WNK3: variants seen among roughly 807,000 people sequenced by gnomAD.
WNK3 encodes WNK lysine deficient protein kinase 3.
Under a neutral mutation model 116.7 loss-of-function variants are expected in WNK3, and 18 were observed. The observed-to-expected ratio is 0.15, with a 90% CI of 0.11 to 0.23. The LOEUF (loss-of-function observed/expected upper bound fraction) is 0.23, where lower values mean the gene tolerates loss of function less well. Ranked by LOEUF, WNK3 falls within the 10% of genes least tolerant of loss-of-function variation. WNK3 has a pLI of 1.00. For missense variants in WNK3, 993 were observed against 1,323.8 expected, an observed-to-expected ratio of 0.75 and a Z score of 3.88; for synonymous variants, 404 against 469.4, an observed-to-expected ratio of 0.86 and a Z score of 1.80.
chrX:54,343,731 G>C (rs1454143343), intron 1 of WNK3: 1 of 109,812 alleles, frequency 9.1e-6, no homozygotes, highest in African/African-American at 3.3e-5. Context: ...GTGTGATCAC[G>C]GTTCACTGCA....
chrX:54,299,449 GTTT>G (rs11383477), intron 6 of WNK3, among the ~76,000 whole-genome samples: 2 of 83,701 alleles, frequency 2.4e-5, no homozygotes, highest in Non-Finnish European at 2.3e-5. Context: ...GTGTTTTGGT[GTTT>G]TTTTTTTTTT....
At chrX:54,309,549 T>A (rs954751618) in intron 3 of WNK3, among the ~76,000 whole-genome samples, 1 of 111,662 alleles carries the variant, frequency 9.0e-6, no homozygotes, top group Non-Finnish European at 1.9e-5. Flanking sequence ...TGGTTTTTTT[T>A]TAAGACGAAG....
intron 1 of WNK3, among the ~76,000 whole-genome samples, chrX:54,342,974 G>A (rs781999781): frequency 2.7e-5 from 3 of 110,858 alleles, no homozygotes; most frequent in African/African-American, 3.3e-5. Flanking sequence ...TCAGCATCCC[G>A]AGTAGCTGGG....
intron 22 of WNK3, among the ~76,000 whole-genome samples, chrX:54,208,992 G>A (rs1481956689): frequency 1.8e-5 from 2 of 111,502 alleles, no homozygotes; most frequent in Non-Finnish European, 3.8e-5. Flanking sequence ...TCAGAGGCAC[G>A]TACTAAAATT....
exon 23 of WNK3, chrX:54,202,122 C>T: frequency 3.3e-6 from 4 of 1,211,060 alleles, no homozygotes; most frequent in Non-Finnish European, 4.5e-6. Context: ...TGTAAGTCAT[C>T]TGTGAACATC....
chrX:54,309,978 A>G (rs1197394974), intron 3 of WNK3, among the ~76,000 whole-genome samples: 1 of 111,132 alleles, frequency 9.0e-6, no homozygotes, highest in Non-Finnish European at 1.9e-5. Context: ...GTAAAATTTT[A>G]GTATATACAC....
Position 54,293,053 on chromosome X carries a change from GA to G in WNK3, c.1888-17del, listed in dbSNP as rs782286390. On this transcript the variant is annotated splice_polypyrimidine_tract_variant and intron_variant, in intron 9 of 23. Coordinates refer to ENST00000354646, the Ensembl canonical transcript of WNK3. ...GCTTCTGTAACTGTTAAAATAAGGG[GA>G]AAAAAAGATTAAAGATAAACTTTCC... is the stretch of plus-strand genomic sequence containing the variant. The G allele has an allele frequency of 2.0e-5, 24 of 1,195,790 alleles. No individual in the cohort carries two copies. Among genetic ancestry groups the G allele is most frequent in the East Asian group, 3.0e-5 (1 of 33,483 alleles).
intron 10 of WNK3, among the ~76,000 whole-genome samples, chrX:54,275,413 ATATGTGTGTGTGTG>A (rs1478698508): frequency 5.1e-4 from 30 of 58,360 alleles, no homozygotes; most frequent in African/African-American, 1.7e-3. Context: ...GTATAAGTTC[ATATGTGTGTGTGTG>A]TGTGTGTGTG....
At chrX:54,354,856 G>A (rs1434304829) in intron 1 of WNK3, among the ~76,000 whole-genome samples, 1 of 110,641 alleles carries the variant, frequency 9.0e-6, no homozygotes, top group Admixed American at 9.7e-5. Flanking sequence ...GGCCGAGGCG[G>A]GCGGATCACT....
intron 1 of WNK3, among the ~76,000 whole-genome samples, chrX:54,344,361 A>G (rs1434474097): frequency 9.0e-6 from 1 of 110,552 alleles, no homozygotes; most frequent in Non-Finnish European, 1.9e-5. Flanking sequence ...AATGGCGTGA[A>G]CCTGGGAGGC....
chrX:54,260,298 A>C (rs2068242073), intron 10 of WNK3, among the ~76,000 whole-genome samples: 1 of 112,217 alleles, frequency 8.9e-6, no homozygotes, highest in Non-Finnish European at 1.9e-5. Context: ...TACTGTTTAA[A>C]CATTGAGAGC....
chrX:54,312,595 G>A (rs1274867779), intron 2 of WNK3, among the ~76,000 whole-genome samples: 1 of 109,258 alleles, frequency 9.2e-6, no homozygotes, highest in Non-Finnish European at 1.9e-5. Flanking sequence ...CCACCACCAC[G>A]CCCGGCTAAT....
intron 10 of WNK3, among the ~76,000 whole-genome samples, chrX:54,272,400 ATAGT>A (rs2068393335): frequency 9.1e-6 from 1 of 109,925 alleles, no homozygotes; most frequent in African/African-American, 3.3e-5. Context: ...ATAAGCTATG[ATAGT>A]GCCACTGCAC....
At chrX:54,285,783 G>A (rs1156413978) in intron 10 of WNK3, among the ~76,000 whole-genome samples, 19 of 111,615 alleles carry the variant, frequency 1.7e-4, no homozygotes, top group African/African-American at 5.5e-4. Flanking sequence ...AGCATTTGTC[G>A]AAACTCATGA....
At chrX:54,232,181 G>A (rs901729528) in intron 21 of WNK3, among the ~76,000 whole-genome samples, 22 of 105,447 alleles carry the variant, frequency 2.1e-4, no homozygotes, top group African/African-American at 5.6e-4. Context: ...CGCACTTGTC[G>A]CCCAGGCTGG....
exon 24 of WNK3, chrX:54,193,052 T>C (rs2067413782): frequency 9.0e-6 from 1 of 110,941 alleles, no homozygotes; most frequent in Non-Finnish European, 1.9e-5. Context: ...AGGATTAAAA[T>C]TAACTTTAAC....
intron 1 of WNK3, among the ~76,000 whole-genome samples, chrX:54,356,757 C>G (rs1430819980): frequency 9.0e-6 from 1 of 111,266 alleles, no homozygotes; most frequent in Non-Finnish European, 1.9e-5. Context: ...TTGTCTCAAT[C>G]AACAGTAACT....
chrX:54,287,921 G>T (rs1321804640), intron 10 of WNK3, among the ~76,000 whole-genome samples: 1 of 112,389 alleles, frequency 8.9e-6, no homozygotes, highest in South Asian at 3.7e-4. Context: ...GCTGCTGTGT[G>T]TGTAACACAG....
intron 22 of WNK3, among the ~76,000 whole-genome samples, chrX:54,222,936 AT>A (rs2067786545): frequency 3.1e-5 from 3 of 97,754 alleles, no homozygotes; most frequent in East Asian, 3.0e-4. Flanking sequence ...ATATATATAT[AT>A]ATAAAAAAAG....
Sources: allele counts gnomAD v4.1 joint callset (sites outside exome capture counted in the v4.1 genomes callset), GRCh38; gene constraint gnomAD v4.1.1; transcripts MANE v1.5; gene names NCBI Gene and HGNC (gene_info 2026-07-23, HGNC 2026-07-21).